LRP12: variants seen among roughly 807,000 people sequenced by gnomAD.
LRP12 encodes low-density lipoprotein receptor-related protein 12.
In LRP12, 14 loss-of-function variants were observed where a neutral mutation model predicts 66.0. The observed-to-expected ratio is 0.21, with a 90% confidence interval of 0.14 to 0.33. The LOEUF (loss-of-function observed/expected upper bound fraction) is 0.33. LRP12 is among the 10% of genes least tolerant of loss of function. The pLI, the probability that LRP12 is intolerant of heterozygous loss-of-function variation, is 1.00. For missense variants in LRP12, 889 were observed against 1,053.4 expected (o/e 0.84, Z 2.16); for synonymous variants, 357 against 359.1 (o/e 0.99, Z 0.07).
intron 1 of LRP12, among the ~76,000 whole-genome samples, chr8:104,534,153 A>C (rs1169321751): frequency 6.6e-6 from 1 of 151,966 alleles, no homozygotes; most frequent in African/African-American, 2.4e-5. Flanking sequence ...TCAATAAACA[A>C]ATAATTATAT....
At chr8:104,529,624 C>A (rs1432534831) in intron 2 of LRP12, among the ~76,000 whole-genome samples, 1 of 152,152 alleles carries the variant, frequency 6.6e-6, no homozygotes, top group Admixed American at 6.5e-5. Flanking sequence ...TCCAAATTTT[C>A]ATAAGTTCTC....
chr8:104,547,595 A>G (rs1811604355), intron 1 of LRP12, among the ~76,000 whole-genome samples: 1 of 122,040 alleles, frequency 8.2e-6, no homozygotes, highest in Non-Finnish European at 1.6e-5. Flanking sequence ...TATATAATAT[A>G]TAATAATTAT....
intron 1 of LRP12, among the ~76,000 whole-genome samples, chr8:104,579,261 T>C (rs1038972893): frequency 3.3e-5 from 5 of 152,074 alleles, no homozygotes; most frequent in Admixed American, 3.3e-4. Context: ...TGTGCAAATA[T>C]CACTAACATT....
intron 1 of LRP12, among the ~76,000 whole-genome samples, chr8:104,564,177 G>A (rs181939507): frequency 2.0e-5 from 3 of 152,180 alleles, no homozygotes. Context: ...TATGTAAAAG[G>A]TAACACAACA....
chr8:104,525,599 C>A (rs976226733), intron 2 of LRP12, among the ~76,000 whole-genome samples: 3 of 152,040 alleles, frequency 2.0e-5, no homozygotes, highest in Admixed American at 6.6e-5. Context: ...TTACTACTCA[C>A]CAGATATTTT....
intron 3 of LRP12, among the ~76,000 whole-genome samples, chr8:104,500,107 G>C (rs1810802503): frequency 6.6e-6 from 1 of 152,102 alleles, no homozygotes; most frequent in South Asian, 2.1e-4. Flanking sequence ...ATACTATCTT[G>C]TAGTTAATAA....
Position 104,565,976 on chromosome 8 carries a change from G to A in LRP12, c.79+22843C>T, listed in dbSNP as rs60085620. The A allele has an allele frequency of 5.0e-3, 740 of 148,210 alleles. 10 individuals are homozygous for A. The highest frequency in any genetic ancestry group is 0.018 in the African/African-American group (686 of 37,500). 9.2% of individuals were successfully genotyped at this position (148,210 alleles called of 1,614,324 possible). Reference sequence around the variant, plus strand: ...GCAGGGAGAGAGAGGGAGAGGGGGCGACGGGGAGAGGGGGAGATGCGGGGA... The same window carrying A: ...GCAGGGAGAGAGAGGGAGAGGGGGCAACGGGGAGAGGGGGAGATGCGGGGA... On this transcript the variant is annotated intron_variant, in intron 1 of 6. Coordinates refer to ENST00000276654, the MANE Select transcript of LRP12 (RefSeq NM_013437.5).
chr8:104,532,021 AG>A (rs1811331475), intron 1 of LRP12, 58 bp from the exon 2 acceptor site: 1 of 1,071,450 alleles, frequency 9.3e-7, no homozygotes, highest in South Asian at 1.5e-5. Context: ...AAATTTTTTC[AG>A]ATCCTCCCTT....
chr8:104,501,587 C>T (rs1038040828), intron 3 of LRP12, among the ~76,000 whole-genome samples: 4 of 151,756 alleles, frequency 2.6e-5, no homozygotes, highest in Admixed American at 2.0e-4. Context: ...GCTTGTAGTC[C>T]CAGCTACTCG....
rs567051004 is a variant in LRP12, at chr8:104,565,634, T to C, written c.79+23185A>G. 3.3e-5 allele frequency among the ~76,000 whole-genome samples: 5 copies of C among 151,406 alleles called. No homozygotes were observed. The South Asian group carries it at 8.4e-4, about 25-fold the overall frequency. On this transcript the variant is annotated intron_variant, in intron 1 of 6. Coordinates refer to ENST00000276654, the MANE Select transcript of LRP12 (RefSeq NM_013437.5). ...CAGCACTTTGGGAGGCCAAGGCGGG[T>C]GGATCAACGAGGTCAGGAGATCAAG...
chr8:104,497,235 G>T lies in LRP12; in HGVS notation c.1317C>A (p.Cys439Ter). ...AGTTTTTTTCATCTGAGCCATTTGG[G>T]CAATGATTCTGGTAGTTGCAGCGAT... ...RSDRCNYQNHCPNGSDEKNCF... is the reference protein window; with the variant it reads ...RSDRCNYQNH The change falls in exon 5 of 7, where the codon TGC becomes TGA. Residue 439 changes from cysteine (C) to a stop codon, truncating the protein, a stop_gained. Coordinates refer to ENST00000276654, the MANE Select transcript of LRP12 (RefSeq NM_013437.5). LOFTEE classifies it high-confidence loss of function. The surrounding 1 kb of genome is among the most constrained non-coding windows in gnomAD (Gnocchi z 4.3). 6.2e-7 allele frequency: 1 copy of T among 1,613,740 alleles called. No homozygotes were observed. The highest frequency in any genetic ancestry group is 1.1e-5 in the South Asian group (1 of 90,920).
chr8:104,505,445 C>T (rs1810893799), intron 3 of LRP12: 1 of 132,960 alleles, frequency 7.5e-6, no homozygotes, highest in Non-Finnish European at 1.5e-5. Context: ...CACTCTGTTG[C>T]CTAGGCTGGA....
At chr8:104,525,561 C>T (rs1054304717) in intron 2 of LRP12, among the ~76,000 whole-genome samples, 6 of 152,006 alleles carry the variant, frequency 3.9e-5, no homozygotes, top group African/African-American at 1.4e-4. Flanking sequence ...AATACTATGC[C>T]TAATAAGAAA....
intron 2 of LRP12, among the ~76,000 whole-genome samples, chr8:104,520,786 A>C (rs1232427321): frequency 6.6e-6 from 1 of 152,092 alleles, no homozygotes; most frequent in Non-Finnish European, 1.5e-5. Flanking sequence ...TTCACAGTAC[A>C]TCCAATTAAA....
At chr8:104,561,925 C>T (rs1325900818) in intron 1 of LRP12, among the ~76,000 whole-genome samples, 1 of 152,126 alleles carries the variant, frequency 6.6e-6, no homozygotes, top group Admixed American at 6.6e-5. Context: ...CCCTTGGATC[C>T]TTTCAGTGAG....
chr8:104,494,596 A>G (rs1367890701), intron 6 of LRP12, among the ~76,000 whole-genome samples: 1 of 152,216 alleles, frequency 6.6e-6, no homozygotes, highest in Non-Finnish European at 1.5e-5. Flanking sequence ...TCAGAAACAT[A>G]TAATGAATTA....
chr8:104,547,402 TTC>T (rs565704568), intron 1 of LRP12, among the ~76,000 whole-genome samples: 1,611 of 135,104 alleles, frequency 0.012, 65 homozygotes, highest in African/African-American at 0.042. Context: ...TAATATACAA[TTC>T]TGTTATATTT....
chr8:104,548,264 ATG>A (rs1811645259), intron 1 of LRP12, among the ~76,000 whole-genome samples: 1 of 99,188 alleles, frequency 1.0e-5, no homozygotes, highest in Non-Finnish European at 1.8e-5. Flanking sequence ...ATATTAATAT[ATG>A]ATATATATTA....
intron 2 of LRP12, among the ~76,000 whole-genome samples, chr8:104,513,077 T>A (rs1171094931): frequency 6.6e-6 from 1 of 152,194 alleles, no homozygotes; most frequent in Non-Finnish European, 1.5e-5. Context: ...AACCTATTTC[T>A]GCATGTACAA....
Sources: allele counts gnomAD v4.1 joint callset (sites outside exome capture counted in the v4.1 genomes callset), GRCh38; gene constraint gnomAD v4.1.1; non-coding constraint Gnocchi (gnomAD v3.1); transcripts MANE v1.5; gene names NCBI Gene and HGNC (gene_info 2026-07-23, HGNC 2026-07-21).